PPP1R9A: variants seen among roughly 807,000 people sequenced by gnomAD.
PPP1R9A encodes the protein neurabin-1.
Under a neutral mutation model 141.9 loss-of-function variants are expected in PPP1R9A, and 59 were observed. The ratio of observed to expected loss-of-function variants is 0.42; its 90% CI spans 0.34 to 0.52. The LOEUF (loss-of-function observed/expected upper bound fraction) is 0.52. PPP1R9A is among the 20% of genes least tolerant of loss of function. PPP1R9A has a pLI of 0.10. For synonymous variants in PPP1R9A, 500 were observed against 569.7 expected, an observed-to-expected ratio of 0.88 and a Z score of 1.74; for missense variants, 1,444 against 1,611.9, an observed-to-expected ratio of 0.90 and a Z score of 1.78.
intron 16 of PPP1R9A, among the ~76,000 whole-genome samples, chr7:95,281,895 A>C (rs1293543759): frequency 6.6e-6 from 1 of 152,216 alleles, no homozygotes; most frequent in African/African-American, 2.4e-5. Flanking sequence ...CCCTTGATTC[A>C]GAAATCTATA....
chr7:95,060,583 TAGTTAGATAGCAC>T (rs1202086101), intron 2 of PPP1R9A, among the ~76,000 whole-genome samples: 1 of 152,162 alleles, frequency 6.6e-6, no homozygotes, highest in Admixed American at 6.5e-5. Flanking sequence ...CAGTCTTGGT[TAGTTAGATAGCAC>T]AGTTGAAAAT....
chr7:95,273,023 G>A (rs1203566417), intron 14 of PPP1R9A, among the ~76,000 whole-genome samples: 1 of 152,160 alleles, frequency 6.6e-6, no homozygotes, highest in Non-Finnish European at 1.5e-5. Context: ...AATAGTTTGG[G>A]TAGAGCCTGT....
At chr7:94,972,211 C>T (rs887013924) in intron 2 of PPP1R9A, among the ~76,000 whole-genome samples, 2 of 152,062 alleles carry the variant, frequency 1.3e-5, no homozygotes, top group Non-Finnish European at 2.9e-5. Flanking sequence ...GTCTTTTGTA[C>T]TGTGTATATA....
At chr7:95,121,459 G>GTCTGTCTATCTA (rs1268112373) in intron 4 of PPP1R9A, among the ~76,000 whole-genome samples, 57 of 50,368 alleles carry the variant, frequency 1.1e-3, no homozygotes, top group African/African-American at 2.5e-3. Context: ...CTGTCTGTCT[G>GTCTGTCTATCTA]TCTATCTATC....
chr7:95,133,232 CAAGG>C (rs1481384707), intron 4 of PPP1R9A, among the ~76,000 whole-genome samples: 1 of 152,074 alleles, frequency 6.6e-6, no homozygotes, highest in Non-Finnish European at 1.5e-5. Context: ...TAAAAGGCAT[CAAGG>C]AAGTTCTCAT....
Position 95,198,463 on chromosome 7 carries a change from G to T in PPP1R9A, c.1869G>T (p.Gln623His). The change falls in exon 6 of 20, where the codon CAG (glutamine) becomes CAT (histidine). Residue 623 changes from glutamine to histidine, a missense_variant. Coordinates refer to ENST00000433360, the MANE Select transcript of PPP1R9A (RefSeq NM_001166160.2). ...AGCTGCTGGAACAGCACTATGCCCA[G>T]TATGATGCCGACGATGACGAGGTCA... ...QRELLEQHYA[Q>H]YDADDDENTV... is the part of the protein sequence containing the mutation. 4 of 1,595,368 alleles carry T rather than the reference G, an allele frequency of 2.5e-6. No homozygotes were observed. Among genetic ancestry groups the T allele is most frequent in the Non-Finnish European group, 3.4e-6 (4 of 1,173,890 alleles).
chr7:95,141,023 A>G (rs1485600338), intron 4 of PPP1R9A, among the ~76,000 whole-genome samples: 1 of 152,222 alleles, frequency 6.6e-6, no homozygotes, highest in Non-Finnish European at 1.5e-5. Flanking sequence ...CCCAGCCTTA[A>G]TTAGTTTTAA....
chr7:95,030,370 T>G (rs1807494672), intron 2 of PPP1R9A, among the ~76,000 whole-genome samples: 1 of 152,214 alleles, frequency 6.6e-6, no homozygotes, highest in East Asian at 1.9e-4. Context: ...AAACTGACAG[T>G]CTCTTTGGCA....
At chr7:95,136,507 G>T (rs1240441299) in intron 4 of PPP1R9A, among the ~76,000 whole-genome samples, 2 of 152,118 alleles carry the variant, frequency 1.3e-5, no homozygotes, top group South Asian at 4.1e-4. Context: ...TGGTATTAAG[G>T]TCATGTAACA....
At chr7:95,146,839 G>A (rs1339510703) in intron 4 of PPP1R9A, among the ~76,000 whole-genome samples, 1 of 152,024 alleles carries the variant, frequency 6.6e-6, no homozygotes, top group Admixed American at 6.6e-5. Flanking sequence ...GGCCTCTGTT[G>A]TGTTCCATTG....
intron 2 of PPP1R9A, among the ~76,000 whole-genome samples, chr7:94,956,756 AATCTTATT>A (rs1318638390): frequency 2.0e-5 from 3 of 152,030 alleles, no homozygotes; most frequent in African/African-American, 7.2e-5. Flanking sequence ...CCCGAAGGCA[AATCTTATT>A]ATTATTTTTA....
intron 5 of PPP1R9A, among the ~76,000 whole-genome samples, chr7:95,182,919 C>A (rs921203161): frequency 2.6e-5 from 4 of 152,092 alleles, no homozygotes; most frequent in Non-Finnish European, 5.9e-5. Flanking sequence ...TGCAAACTAC[C>A]TTTTTAATGT....
intron 4 of PPP1R9A, among the ~76,000 whole-genome samples, chr7:95,149,391 A>G (rs1448958100): frequency 5.3e-5 from 8 of 152,186 alleles, no homozygotes; most frequent in Non-Finnish European, 2.9e-5. Flanking sequence ...GTAGGATAAG[A>G]AAAATAAATG....
intron 1 of PPP1R9A, 80 bp from the exon 2 acceptor site, chr7:94,909,818 A>G: frequency 4.7e-6 from 1 of 212,854 alleles, no homozygotes; most frequent in Non-Finnish European, 9.3e-6. Context: ...AGCCATTTGG[A>G]AAAAAAAATG....
At chr7:94,942,229 G>A (rs990128621) in intron 2 of PPP1R9A, among the ~76,000 whole-genome samples, 2 of 152,060 alleles carry the variant, frequency 1.3e-5, no homozygotes, top group African/African-American at 4.8e-5. Context: ...AATTTTGCTA[G>A]GCTCTAGAGA....
chr7:94,954,308 A>G (rs1003853149), intron 2 of PPP1R9A, among the ~76,000 whole-genome samples: 21 of 151,940 alleles, frequency 1.4e-4, no homozygotes, highest in African/African-American at 5.1e-4. Flanking sequence ...TGTAAGTATT[A>G]ATTTTTTTAC....
intron 12 of PPP1R9A, 102 bp downstream of exon 12, chr7:95,252,232 C>T: frequency 7.9e-7 from 1 of 1,264,690 alleles, no homozygotes; most frequent in Non-Finnish European, 1.0e-6. Context: ...GAAATACCTT[C>T]CTACTATGGG....
chr7:94,944,938 G>C (rs944747828), intron 2 of PPP1R9A, among the ~76,000 whole-genome samples: 2 of 151,984 alleles, frequency 1.3e-5, no homozygotes, highest in Middle Eastern at 3.2e-3. Context: ...AGGGGATGAC[G>C]TATAATGTCT....
chr7:95,113,211 G>C (rs78451757), intron 3 of PPP1R9A, among the ~76,000 whole-genome samples: 16 of 151,310 alleles, frequency 1.1e-4, no homozygotes, highest in African/African-American at 1.7e-4. Context: ...AGAAGATGAC[G>C]TTTGAGAGAT....
Sources: allele counts gnomAD v4.1 joint callset (sites outside exome capture counted in the v4.1 genomes callset), GRCh38; gene constraint gnomAD v4.1.1; transcripts MANE v1.5; gene names NCBI Gene and HGNC (gene_info 2026-07-23, HGNC 2026-07-21).